The following USP50 variants were observed in gnomAD, a reference collection of about 807,000 sequenced individuals.
USP50 encodes the protein ubiquitin specific peptidase 50, also known as ubiquitin carboxyl-terminal hydrolase 50.
USP50 carries 37 observed loss-of-function variants against 39.2 expected under a neutral mutation model. The observed-to-expected ratio is 0.94, with a 90% CI of 0.73 to 1.24. The LOEUF (loss-of-function observed/expected upper bound fraction) is 1.24. Among genes scored for constraint, USP50 ranks in the 50% most tolerant of loss-of-function variants. USP50 has a pLI of 0.00. For missense variants in USP50, 374 were observed against 398.2 expected, an observed-to-expected ratio of 0.94 and a Z score of 0.52; for synonymous variants, 139 against 144.5, an observed-to-expected ratio of 0.96 and a Z score of 0.27.
rs144181227 is a variant in USP50, at chr15:50,506,026, T to G, written c.937-5189A>C. On this transcript the variant is annotated intron_variant, in intron 6 of 6. Coordinates refer to ENST00000532404, the MANE Select transcript of USP50 (RefSeq NM_203494.5). ...TTACAGTGTTCTAAGAGCTTTCCAT[T>G]TCTTTGGGAGCAGAGTATAAAGATC... is the stretch of plus-strand genomic sequence containing the variant. 10 of 152,352 alleles carry G rather than the reference T, an allele frequency of 6.6e-5. No individual in the cohort carries two copies. The East Asian group carries it at 1.9e-3, about 29-fold the overall frequency. The allele number at this position is 152,352 out of a possible 1,614,324, so 9.4% of individuals were successfully genotyped here.
downstream of USP50, chr15:50,493,802 G>A: frequency 1.7e-6 from 1 of 590,706 alleles, no homozygotes; most frequent in East Asian, 3.5e-5. Flanking sequence ...TGAGAGCAGT[G>A]CCAGAAGGCA....
At position 50,528,069 on chromosome 15, in the gene USP50, T is replaced by C. The variant is rs552430575; in HGVS notation, c.936+1728A>G. 9.9e-3 allele frequency among the ~76,000 whole-genome samples: 293 copies of C among 29,482 alleles called. 2 individuals are homozygous for C. Among genetic ancestry groups the C allele is most frequent in the African/African-American group, 0.033 (287 of 8,606 alleles). The allele number at this position is 29,482 out of a possible 152,430, so 19.3% of individuals were successfully genotyped here. ...TTTGATTACTAAAAGAACTAAGTTT[T>C]TTTTTTTTTTTTTTTTTTAGAGATG... On this transcript the variant is annotated intron_variant, in intron 6 of 6. Coordinates refer to ENST00000532404, the MANE Select transcript of USP50 (RefSeq NM_203494.5).
intron 6 of USP50, chr15:50,513,426 G>A (rs964870730): frequency 4.1e-4 from 62 of 151,236 alleles, no homozygotes; most frequent in African/African-American, 1.3e-3. Flanking sequence ...TATGCTTGGC[G>A]CGGTAGCTCA....
At chr15:50,510,269 G>A (rs1314833546) in intron 6 of USP50, 1 of 152,154 alleles carries the variant, frequency 6.6e-6, no homozygotes, top group Non-Finnish European at 1.5e-5. Context: ...CAATTTAAAT[G>A]TTTGGAAGAT....
chr15:50,521,685 G>A (rs557699725), intron 6 of USP50, among the ~76,000 whole-genome samples: 6 of 152,270 alleles, frequency 3.9e-5, no homozygotes, highest in South Asian at 2.1e-4. Context: ...AAATGAAGCC[G>A]AGTACAATGG....
downstream of USP50, chr15:50,495,835 A>G (rs371404791): frequency 4.4e-6 from 7 of 1,593,508 alleles, no homozygotes; most frequent in South Asian, 1.1e-5. Context: ...AGCTTAAATC[A>G]TTTTATTTCC....
intron 6 of USP50, among the ~76,000 whole-genome samples, chr15:50,524,500 G>A (rs1423726184): frequency 6.6e-6 from 1 of 152,064 alleles, no homozygotes; most frequent in African/African-American, 2.4e-5. Flanking sequence ...ATGTCCAGTG[G>A]GTTCATGACA....
intron 6 of USP50, chr15:50,505,934 TGGGCAACAGAG>T (rs899384509): frequency 3.3e-5 from 5 of 152,312 alleles, no homozygotes; most frequent in Non-Finnish European, 1.5e-5. Context: ...CACTCCAGTC[TGGGCAACAGAG>T]TGAGACCCTG....
chr15:50,537,784 A>G lies in USP50; in HGVS notation c.803+925T>C, dbSNP rs186867955. On this transcript the variant is annotated intron_variant, in intron 5 of 6. Transcript: ENST00000532404. ...CTGAGGCAGGAGAATGGCTTGAACT[A>G]GGGAAGTGGAGGCTGCAAGAACCAA... Among the ~76,000 whole-genome samples the G allele has an allele frequency of 1.0e-3, 149 of 142,546 alleles. 1 individual carries two copies. Among genetic ancestry groups the G allele is most frequent in the African/African-American group, 3.7e-3 (143 of 38,442 alleles). 93.5% of individuals were successfully genotyped at this position (142,546 alleles called of 152,430 possible).
At chr15:50,544,552 G>T (rs753448080) in intron 2 of USP50, 35 bp downstream of exon 2, 27 of 1,580,512 alleles carry the variant, frequency 1.7e-5, no homozygotes, top group Non-Finnish European at 2.3e-5. Flanking sequence ...AAGTGGGGGT[G>T]GGGGCTGGGC....
At chr15:50,493,408 A>G (rs192342330), downstream of USP50, 200 of 519,110 alleles carry the variant, frequency 3.9e-4, 1 homozygote, top group African/African-American at 3.6e-3. Flanking sequence ...AGTACTTACC[A>G]CTCAGCTCCA....
At chr15:50,523,765 C>T (rs1311877709) in intron 6 of USP50, among the ~76,000 whole-genome samples, 2 of 151,978 alleles carry the variant, frequency 1.3e-5, no homozygotes, top group Non-Finnish European at 2.9e-5. Flanking sequence ...GAAAATTTTA[C>T]AGAAATAGAA....
chr15:50,540,789 A>G (rs2141379362), intron 4 of USP50, among the ~76,000 whole-genome samples: 1 of 152,140 alleles, frequency 6.6e-6, no homozygotes, highest in South Asian at 2.1e-4. Context: ...ATGTCCAACT[A>G]ATTTTTGTAT....
At chr15:50,534,807 A>T (rs2052966958) in intron 5 of USP50, among the ~76,000 whole-genome samples, 1 of 152,184 alleles carries the variant, frequency 6.6e-6, no homozygotes, top group Non-Finnish European at 1.5e-5. Context: ...CATAGAAATT[A>T]TTAACATATA....
chr15:50,494,413 G>T (rs910357426), intron 1 of USP50: 23 of 711,072 alleles, frequency 3.2e-5, no homozygotes, highest in Admixed American at 1.1e-4. Context: ...CTGTATAAGA[G>T]AATTATAAAA....
At chr15:50,495,349 T>C (rs192643601) in intron 1 of USP50, among the ~76,000 whole-genome samples, 1,473 of 92,202 alleles carry the variant, frequency 0.016, 24 homozygotes, top group Admixed American at 0.023. Context: ...CACATACATA[T>C]ATACATATAT....
At chr15:50,538,621 C>T in intron 5 of USP50, 88 bp downstream of exon 5, 2 of 1,338,086 alleles carry the variant, frequency 1.5e-6, no homozygotes, top group Non-Finnish European at 2.0e-6. Context: ...GAATTGTATA[C>T]TCTAAATGGG....
intron 5 of USP50, among the ~76,000 whole-genome samples, chr15:50,537,414 C>T (rs946564676): frequency 4.6e-5 from 7 of 151,736 alleles, no homozygotes; most frequent in African/African-American, 1.5e-4. Context: ...AGCTACAACA[C>T]GAAAGGCCTG....
At chr15:50,545,344 T>G (rs1163890133) in intron 1 of USP50, among the ~76,000 whole-genome samples, 1 of 151,990 alleles carries the variant, frequency 6.6e-6, no homozygotes, top group Non-Finnish European at 1.5e-5. Flanking sequence ...CAGGAACGAT[T>G]ATTTTTACAT....
Sources: allele counts gnomAD v4.1 joint callset (sites outside exome capture counted in the v4.1 genomes callset), GRCh38; gene constraint gnomAD v4.1.1; transcripts MANE v1.5; gene names NCBI Gene and HGNC (gene_info 2026-07-23, HGNC 2026-07-21).